The following DLGAP2 variants were observed in gnomAD, a reference collection of about 807,000 sequenced individuals.
DLGAP2 encodes disks large-associated protein 2.
DLGAP2 carries 26 observed loss-of-function variants against 100.3 expected under a neutral mutation model. The observed-to-expected ratio is 0.26, with a 90% CI of 0.19 to 0.36. The LOEUF is 0.36. Among genes scored for constraint, DLGAP2 ranks in the 10% least tolerant of loss-of-function variants. The probability of loss-of-function intolerance (pLI) is 1.00; values close to 1 mark genes in which losing one functional copy is unlikely to be tolerated. For missense variants in DLGAP2, 1,858 were observed against 1,453.2 expected, an observed-to-expected ratio of 1.28 and a Z score of -4.53; for synonymous variants, 886 against 630.1, an observed-to-expected ratio of 1.41 and a Z score of -6.08.
intron 2 of DLGAP2, among the ~76,000 whole-genome samples, chr8:946,011 T>TG (rs1427477422): frequency 6.6e-6 from 1 of 152,148 alleles, no homozygotes; most frequent in Non-Finnish European, 1.5e-5. Flanking sequence ...GCATGGTCTC[T>TG]GGGGGGTTGA....
At chr8:1,527,256 A>G (rs548495631) in intron 4 of DLGAP2, among the ~76,000 whole-genome samples, 1 of 152,342 alleles carries the variant, frequency 6.6e-6, no homozygotes, top group Admixed American at 6.5e-5. Context: ...AAGTCTCACC[A>G]GAGCCTTTGC....
chr8:1,558,213 T>C (rs1348558077), intron 5 of DLGAP2, among the ~76,000 whole-genome samples: 2 of 152,126 alleles, frequency 1.3e-5, no homozygotes, highest in Non-Finnish European at 2.9e-5. Context: ...ATTCCAAGCA[T>C]GAGGGCGATA....
chr8:1,289,449 C>G (rs575799173), intron 3 of DLGAP2, among the ~76,000 whole-genome samples: 1 of 152,228 alleles, frequency 6.6e-6, no homozygotes, highest in South Asian at 2.1e-4. Context: ...GCGGGGTTCC[C>G]TTCTTCTATT....
chr8:1,356,023 A>G (rs1397082978), intron 3 of DLGAP2, among the ~76,000 whole-genome samples: 1 of 152,094 alleles, frequency 6.6e-6, no homozygotes, highest in South Asian at 2.1e-4. Context: ...CCTGCCTTGC[A>G]TGATCGGGGC....
chr8:1,303,212 A>G (rs1164764677), intron 3 of DLGAP2, among the ~76,000 whole-genome samples: 1 of 152,124 alleles, frequency 6.6e-6, no homozygotes, highest in Non-Finnish European at 1.5e-5. Context: ...CCTGGCTAAC[A>G]CGGTGAAACC....
chr8:1,344,131 G>GGTCCGTGTACTCGGGTCCCTGTCGTGA (rs1563095036), intron 3 of DLGAP2, among the ~76,000 whole-genome samples: 35 of 112,824 alleles, frequency 3.1e-4, no homozygotes, highest in Middle Eastern at 5.6e-3. Flanking sequence ...CCCTGTCGTG[G>GGTCCGTGTACTCGGGTCCCTGTCGTGA]GTCCGTGTAC....
chr8:1,269,436 A>G (rs1158497897), intron 3 of DLGAP2, among the ~76,000 whole-genome samples: 1 of 152,180 alleles, frequency 6.6e-6, no homozygotes, highest in African/African-American at 2.4e-5. Context: ...ACCTTCCTGT[A>G]ACACTTGCTC....
chr8:1,527,145 C>G (rs561935000), intron 4 of DLGAP2, among the ~76,000 whole-genome samples: 1 of 152,368 alleles, frequency 6.6e-6, no homozygotes, highest in East Asian at 1.9e-4. Flanking sequence ...CACGCCCTAT[C>G]CAACCCTCTC....
chr8:1,379,639 G>A (rs909053843), intron 3 of DLGAP2: 1 of 152,256 alleles, frequency 6.6e-6, no homozygotes, highest in Non-Finnish European at 1.5e-5. Context: ...GGAAAACTCA[G>A]TCCAGGCCCT....
intron 3 of DLGAP2, among the ~76,000 whole-genome samples, chr8:1,310,001 A>T (rs564856361): frequency 1.3e-4 from 19 of 149,976 alleles, no homozygotes; most frequent in Non-Finnish European, 2.1e-4. Flanking sequence ...AGGCTGAGGC[A>T]GGAGAATCAT....
chr8:794,280 C>G (rs1161045631), intron 1 of DLGAP2, among the ~76,000 whole-genome samples: 2 of 151,984 alleles, frequency 1.3e-5, no homozygotes, highest in Non-Finnish European at 2.9e-5. Context: ...TTGAGACCAG[C>G]TCGGTCGGGG....
chr8:1,246,090 T>A (rs189753832), intron 2 of DLGAP2, among the ~76,000 whole-genome samples: 18 of 152,348 alleles, frequency 1.2e-4, no homozygotes, highest in Non-Finnish European at 2.9e-5. Flanking sequence ...GTAAGCCATT[T>A]GGTTTCTAAA....
intron 1 of DLGAP2, among the ~76,000 whole-genome samples, chr8:838,837 G>T (rs1323870279): frequency 1.3e-5 from 2 of 152,322 alleles, no homozygotes; most frequent in African/African-American, 4.8e-5. Context: ...GCTGGACTGT[G>T]ATTCCCCTGC....
At chr8:808,132 G>A (rs1054352599) in intron 1 of DLGAP2, among the ~76,000 whole-genome samples, 6 of 152,282 alleles carry the variant, frequency 3.9e-5, no homozygotes, top group East Asian at 1.9e-4. Flanking sequence ...TCACAGGGTC[G>A]TCGGCACGTG....
rs1802222177 is a variant in DLGAP2, at chr8:1,039,192, C to CAGCTCGGTGTG, written c.73+131226_73+131227insAGCTCGGTGTG. ...TCGGTGTGCGTGGTCAGCTCGGTTT[C>CAGCTCGGTGTG]CGTGGTCAGCTCGGTGTGCGTGGTC... On this transcript the variant is annotated intron_variant, in intron 2 of 14. Coordinates refer to ENST00000637795, the MANE Select transcript of DLGAP2 (RefSeq NM_001346810.2). 1.4e-4 allele frequency among the ~76,000 whole-genome samples: 10 copies of CAGCTCGGTGTG among 70,178 alleles called. No individual in the cohort carries two copies. The South Asian group carries it at 2.0e-3, about 14-fold the overall frequency. The allele number at this position is 70,178 out of a possible 152,430, so 46.0% of individuals were successfully genotyped here. A position where few individuals can be genotyped will look rare whatever the true frequency, so the allele number is the denominator to read the frequency against.
At chr8:1,259,052 G>A (rs1210777823) in intron 3 of DLGAP2, among the ~76,000 whole-genome samples, 169 bp downstream of exon 3, 2 of 152,256 alleles carry the variant, frequency 1.3e-5, no homozygotes, top group African/African-American at 4.8e-5. Flanking sequence ...CAAAGTGCAA[G>A]GTGAGCGTTA....
intron 4 of DLGAP2, among the ~76,000 whole-genome samples, chr8:1,515,713 C>A (rs1484436998): frequency 6.6e-6 from 1 of 152,172 alleles, no homozygotes; most frequent in South Asian, 2.1e-4. Flanking sequence ...GACACACAAA[C>A]ACATGCACAG....
intron 1 of DLGAP2, among the ~76,000 whole-genome samples, chr8:828,095 C>G (rs11785852): frequency 0.73 from 111,220 of 152,016 alleles, 41,104 homozygotes; most frequent in East Asian, 0.99. Context: ...AGTGGAGGCA[C>G]GGCGAGATCA....
At chr8:1,460,603 T>C (rs576154342) in intron 3 of DLGAP2, among the ~76,000 whole-genome samples, 1 of 152,336 alleles carries the variant, frequency 6.6e-6, no homozygotes, top group African/African-American at 2.4e-5. Flanking sequence ...TTTTCATTGA[T>C]AGAATTGTAA....
Sources: allele counts gnomAD v4.1 joint callset (sites outside exome capture counted in the v4.1 genomes callset), GRCh38; gene constraint gnomAD v4.1.1; transcripts MANE v1.5; gene names NCBI Gene and HGNC (gene_info 2026-07-23, HGNC 2026-07-21).